Variants in XAGE3 observed in about 807,000 individuals in gnomAD.
XAGE3 encodes X antigen family member 3.
A neutral mutation model predicts 9.2 loss-of-function variants in XAGE3; 6 were observed. That is an observed-to-expected ratio of 0.65 (90% CI 0.36 to 1.29). The LOEUF (loss-of-function observed/expected upper bound fraction) is 1.29, where lower values mean the gene tolerates loss of function less well. XAGE3 is among the 50% of genes most tolerant of loss of function. XAGE3 has a pLI of 0.03. For synonymous variants in XAGE3, 26 were observed against 28.2 expected (o/e 0.92, Z 0.25); for missense variants, 70 against 82.8 (o/e 0.85, Z 0.60).
chrX:52,863,223 C>T (rs1556784005), intron 4 of XAGE3, among the ~76,000 whole-genome samples: 2 of 111,857 alleles, frequency 1.8e-5, no homozygotes, highest in African/African-American at 6.5e-5. Context: ...CTTTAAGGTA[C>T]GGTAACCATT....
At chrX:52,866,301 A>G (rs1927881824) in intron 3 of XAGE3, 132 bp downstream of exon 3, 4 of 669,669 alleles carry the variant, frequency 6.0e-6, no homozygotes, top group Non-Finnish European at 9.6e-6. Flanking sequence ...TTTTCCAGCC[A>G]ACTCTCAGCA....
chrX:52,866,786 G>T (rs1927900868), intron 2 of XAGE3, among the ~76,000 whole-genome samples: 1 of 111,844 alleles, frequency 8.9e-6, no homozygotes, highest in Admixed American at 9.5e-5. Flanking sequence ...ATGAATGTGT[G>T]TAATCTTTTG....
chrX:52,867,969 C>T (rs1459408755), intron 1 of XAGE3, 37 bp downstream of exon 1: 2 of 111,387 alleles, frequency 1.8e-5, no homozygotes, highest in Non-Finnish European at 3.8e-5. Context: ...CACGCACTCA[C>T]ACTTCAACCC....
chrX:52,862,590 G>T lies in XAGE3; in HGVS notation c.*28C>A, dbSNP rs982817014. On this transcript the variant is annotated 3_prime_UTR_variant, in exon 5 of 5. Transcript: ENST00000346279. ...AAGTCAAATATCTTAGATAAAAACA[G>T]TTTTGTGTTGTTTCAGCTTGTCTTC... 1 of 786,211 alleles carries T rather than the reference G, an allele frequency of 1.3e-6. No individual in the cohort carries two copies. Among genetic ancestry groups the T allele is most frequent in the Non-Finnish European group, 1.7e-6 (1 of 574,773 alleles). The allele number at this position is 786,211 out of a possible 1,213,427, so 64.8% of individuals were successfully genotyped here.
intron 2 of XAGE3, 67 bp downstream of exon 2, chrX:52,866,986 T>C: frequency 9.3e-7 from 1 of 1,070,973 alleles, no homozygotes; most frequent in Non-Finnish European, 1.3e-6. Flanking sequence ...AACATAGTTT[T>C]GCAACAACAA....
chrX:52,866,362 G>A (rs1424227171), intron 3 of XAGE3, 71 bp downstream of exon 3: 3 of 1,014,583 alleles, frequency 3.0e-6, no homozygotes, highest in Non-Finnish European at 4.2e-6. Flanking sequence ...TACTGGTCAT[G>A]GCATAAGGCA....
At position 52,866,450 on chromosome X, in the gene XAGE3, C is replaced by G. The variant is rs1556784426; in HGVS notation, c.170G>C (p.Gly57Ala). ...APGQEREEDQGAAETQVPDLE... is the reference protein window; with the variant it reads ...APGQEREEDQAAAETQVPDLE... Reference sequence around the variant, plus strand: ...CCCAGCACCTTGAGTCTCAGCTGCACCCTGATCTTCTTCTCTCTCCTGACC... The same window carrying G: ...CCCAGCACCTTGAGTCTCAGCTGCAGCCTGATCTTCTTCTCTCTCCTGACC... The change falls in exon 3 of 5, where the codon GGT becomes GCT. Residue 57 changes from glycine (G) to alanine (A), a missense_variant. Physicochemically the swap from Gly to Ala is moderately conservative, Grantham distance 60. Transcript: ENST00000346279. 1 of 1,210,981 alleles carries G rather than the reference C, an allele frequency of 8.3e-7. No individual in the cohort carries two copies. Among genetic ancestry groups the G allele is most frequent in the South Asian group, 1.8e-5 (1 of 56,946 alleles).
At position 52,864,834 on chromosome X, in the gene XAGE3, C is replaced by T. The variant is rs1457266829; in HGVS notation, c.254G>A (p.Gly85Asp). Reference sequence around the variant, plus strand: ...CAGAATCTTCCCCTGGTCATCAGGACCATTTCCACATTCACCCCCAGTCTT... The same window carrying T: ...CAGAATCTTCCCCTGGTCATCAGGATCATTTCCACATTCACCCCCAGTCTT... ...QSKTGGECGN[G>D]PDDQGKILPK... The change falls in exon 4 of 5, where the codon GGT (glycine) becomes GAT (aspartate). Residue 85 changes from glycine to aspartate, a missense_variant. By Grantham distance (94) the Gly-to-Asp change is moderately conservative. Coordinates refer to ENST00000346279, the MANE Select transcript of XAGE3 (RefSeq NM_133179.3). 2 of 1,209,627 alleles carry T rather than the reference C, an allele frequency of 1.7e-6. No homozygotes were observed. The highest frequency in any genetic ancestry group is 3.5e-5 in the African/African-American group (2 of 57,205).
At chrX:52,863,596 T>C (rs1441216402) in intron 4 of XAGE3, among the ~76,000 whole-genome samples, 1 of 112,105 alleles carries the variant, frequency 8.9e-6, no homozygotes, top group African/African-American at 3.2e-5. Flanking sequence ...GTTCCTAGCA[T>C]ATCAATCATT....
In XAGE3 at chrX:52,866,496, C is replaced by G; in HGVS notation, c.124G>C (p.Glu42Gln). The change falls in exon 3 of 5, where the codon GAA (glutamate) becomes CAA (glutamine). Residue 42 changes from glutamate (E) to glutamine (Q), a missense_variant. Physicochemically the swap from Glu to Gln is conservative, Grantham distance 29. Coordinates refer to ENST00000346279, the MANE Select transcript of XAGE3 (RefSeq NM_133179.3). Reference sequence around the variant, plus strand: ...TGACCAGGTGCAGGATCCCGACTTTCAGTTGGTGGTTCCTCTTGCTGAGGC... The same window carrying G: ...TGACCAGGTGCAGGATCCCGACTTTGAGTTGGTGGTTCCTCTTGCTGAGGC... ...EEPQQEEPPT[E>Q]SRDPAPGQER... 8.3e-7 allele frequency: 1 copy of G among 1,211,379 alleles called. No individual in the cohort carries two copies. The highest frequency in any genetic ancestry group is 1.1e-6 in the Non-Finnish European group (1 of 895,379).
rs1556784564 is a variant in XAGE3 at position 52,867,146 on chromosome X, A to G, written c.-8-5T>C. ...CTCGCCAAATCATATTTCACACTGC[A>G]AACAGAATACTGTGAATTGGTAAAT... is the stretch of plus-strand genomic sequence containing the variant. On this transcript the variant is annotated splice_region_variant and splice_polypyrimidine_tract_variant and intron_variant, in intron 1 of 4. Coordinates refer to ENST00000346279, the MANE Select transcript of XAGE3 (RefSeq NM_133179.3). The G allele has an allele frequency of 1.7e-6, 2 of 1,194,766 alleles. No homozygotes were observed. The highest frequency in any genetic ancestry group is 1.7e-5 in the African/African-American group (1 of 57,622).
chrX:52,864,969 C>A (rs1349581523), intron 3 of XAGE3, 69 bp from the exon 4 acceptor site: 16 of 1,157,197 alleles, frequency 1.4e-5, no homozygotes, highest in South Asian at 3.9e-5. Flanking sequence ...TGATAATATT[C>A]TTTTCCTCAA....
rs186994588 is a variant in XAGE3 at position 52,864,781 on chromosome X, C to T, written c.307G>A (p.Glu103Lys). The change falls in exon 4 of 5, where the codon GAA (glutamate) becomes AAA (lysine). Residue 103 changes from glutamate to lysine, a missense_variant. Glu to Lys is a moderately conservative substitution (Grantham distance 56, BLOSUM62 1). Transcript: ENST00000346279. Reference sequence around the variant, plus strand: ...ATAATAATGGATAGCATACCTCCTTCTGGCATTTTAAATTGTTCTGATTTT... The same window carrying T: ...ATAATAATGGATAGCATACCTCCTTTTGGCATTTTAAATTGTTCTGATTTT... ...LPKSEQFKMP[E>K]GGDRQPQV The T allele has an allele frequency of 1.5e-5, 18 of 1,209,411 alleles. No individual in the cohort carries two copies. Among genetic ancestry groups the T allele is most frequent in the Non-Finnish European group, 2.0e-5 (18 of 894,774 alleles).
rs1556784241 is a variant in XAGE3, at chrX:52,864,896, A to G, written c.192T>C (p.Pro64=). Residue 64 remains proline (P), a synonymous_variant, in exon 4 of 5, where the codon CCT becomes CCC. Transcript: ENST00000346279. ...EDQGAAETQV[P]DLEADLQELS... ...GCTCCTGGAGATCAGCTTCCAGGTC[A>G]GGCACTAAAAAATACAAAGGTTGTC... 1 of 1,210,553 alleles carries G rather than the reference A, an allele frequency of 8.3e-7. No individual in the cohort carries two copies. The highest frequency in any genetic ancestry group is 3.0e-5 in the East Asian group (1 of 33,810).
intron 4 of XAGE3, 116 bp from the exon 5 acceptor site, chrX:52,862,756 C>A (rs1430450149): frequency 3.2e-6 from 3 of 933,178 alleles, no homozygotes; most frequent in Admixed American, 3.0e-5. Flanking sequence ...AAACCAGAAG[C>A]CTAAGAGTAA....
chrX:52,862,927 A>T (rs978990197), intron 4 of XAGE3, among the ~76,000 whole-genome samples: 6 of 114,299 alleles, frequency 5.2e-5, no homozygotes, highest in Non-Finnish European at 7.5e-5. Context: ...ACCTATTAAA[A>T]GGTGGCTCAA....
intron 3 of XAGE3, among the ~76,000 whole-genome samples, chrX:52,865,960 T>A (rs1927874554): frequency 8.9e-6 from 1 of 111,744 alleles, no homozygotes; most frequent in Admixed American, 9.5e-5. Context: ...TTGGTAAGCC[T>A]CCATTTCAGA....
At chrX:52,867,412 G>A in intron 1 of XAGE3, 1 of 270,169 alleles carries the variant, frequency 3.7e-6, no homozygotes, top group African/African-American at 2.8e-5. Context: ...CCTCCGTGGA[G>A]ACATTTGGGA....
At position 52,862,528 on chromosome X, in the gene XAGE3, T is replaced by C; in HGVS notation, c.*90A>G. On this transcript the variant is annotated 3_prime_UTR_variant, in exon 5 of 5. Coordinates refer to ENST00000346279, the MANE Select transcript of XAGE3 (RefSeq NM_133179.3). The stretch of plus-strand genomic sequence containing the variant: ...ATGAACAAAAAATGTGCAAGACTTC[T>C]TTGGAGAAAGCTGCAAAAGTTTATT... 1 of 1,114,387 alleles carries C rather than the reference T, an allele frequency of 9.0e-7. No homozygotes were observed. The highest frequency in any genetic ancestry group is 2.5e-5 in the Admixed American group (1 of 40,159). The allele number at this position is 1,114,387 out of a possible 1,213,427, so 91.8% of individuals were successfully genotyped here. A position where few individuals can be genotyped will look rare whatever the true frequency, so the allele number is the denominator to read the frequency against.
Sources: allele counts gnomAD v4.1 joint callset (sites outside exome capture counted in the v4.1 genomes callset), GRCh38; gene constraint gnomAD v4.1.1; transcripts MANE v1.5; gene names NCBI Gene and HGNC (gene_info 2026-07-23, HGNC 2026-07-21).